Variants in COL5A2 observed in about 807,000 individuals in gnomAD.
COL5A2 encodes collagen alpha-2(V) chain.
A neutral mutation model predicts 208.2 loss-of-function variants in COL5A2; 23 were observed. The observed-to-expected ratio is 0.11, with a 90% CI of 0.08 to 0.16. COL5A2 has a LOEUF of 0.16. Ranked by LOEUF, COL5A2 falls within the 10% of genes least tolerant of loss-of-function variation. The pLI, the probability that COL5A2 is intolerant of heterozygous loss-of-function variation, is 1.00. For synonymous variants in COL5A2, 625 were observed against 628.5 expected (o/e 0.99, Z 0.08); for missense variants, 1,590 against 1,956.4 (o/e 0.81, Z 3.53).
chr2:189,193,730 A>G (rs1688959373), intron 1 of COL5A2, among the ~76,000 whole-genome samples: 1 of 152,190 alleles, frequency 6.6e-6, no homozygotes, highest in South Asian at 2.1e-4. Context: ...GAAGGGCATA[A>G]GCACTCTCAG....
chr2:189,165,294 A>C (rs1357797253), intron 1 of COL5A2, among the ~76,000 whole-genome samples: 3 of 152,198 alleles, frequency 2.0e-5, no homozygotes, highest in Non-Finnish European at 4.4e-5. Context: ...AAAGGGAAAA[A>C]CATGAGATAA....
the COL5A2 span, among the ~76,000 whole-genome samples, chr2:189,271,293 C>T: frequency 6.6e-6 from 1 of 152,122 alleles, no homozygotes; most frequent in Non-Finnish European, 1.5e-5. Context: ...CAGAATGGTA[C>T]TAGTACCAAC....
chr2:189,402,280 C>T, the COL5A2 span, among the ~76,000 whole-genome samples: 3 of 152,118 alleles, frequency 2.0e-5, no homozygotes, highest in Admixed American at 6.5e-5. Context: ...TGCAGTGGTG[C>T]GATCTTGGCT....
chr2:189,281,949 C>T, the COL5A2 span, among the ~76,000 whole-genome samples: 5 of 152,114 alleles, frequency 3.3e-5, no homozygotes, highest in Admixed American at 1.3e-4. Context: ...TTCGGGAGGC[C>T]GAGAAGGGTG....
At chr2:189,163,951 C>A (rs1437585664) in intron 1 of COL5A2, among the ~76,000 whole-genome samples, 1 of 152,158 alleles carries the variant, frequency 6.6e-6, no homozygotes, top group African/African-American at 2.4e-5. Context: ...GCTTTTCTTT[C>A]AAATTATTTC....
Position 189,043,185 on chromosome 2 carries a change from C to G in COL5A2, c.3437G>C (p.Gly1146Ala), listed in dbSNP as rs1378987671. 1 of 1,613,860 alleles carries G rather than the reference C, an allele frequency of 6.2e-7. No individual in the cohort carries two copies. Among genetic ancestry groups the G allele is most frequent in the African/African-American group, 1.3e-5 (1 of 75,040 alleles). The change falls in exon 48 of 54, where the codon GGC (glycine) becomes GCC (alanine). Residue 1146 changes from glycine to alanine, a missense_variant. Transcript: ENST00000374866. ...RGDRGQKGHR[G>A]FTGLQGLPGP... is the part of the protein sequence containing the mutation. Reference sequence around the variant, plus strand: ...AGGAAGACCCTGAAGACCAGTAAAGCCTCTGTGGCCCTTCTGACCTCTGTC... The same window carrying G: ...AGGAAGACCCTGAAGACCAGTAAAGGCTCTGTGGCCCTTCTGACCTCTGTC...
chr2:189,165,188 G>A (rs1224801207), intron 1 of COL5A2, among the ~76,000 whole-genome samples: 2 of 152,100 alleles, frequency 1.3e-5, no homozygotes, highest in African/African-American at 4.8e-5. Context: ...TTTGCCAAAT[G>A]CATTCTAATA....
chr2:189,085,184 G>T lies in COL5A2; in HGVS notation c.774C>A (p.Gly258=). 3 of 1,611,902 alleles carry T rather than the reference G, an allele frequency of 1.9e-6. No individual in the cohort carries two copies. Among genetic ancestry groups the T allele is most frequent in the Non-Finnish European group, 2.5e-6 (3 of 1,178,804 alleles). The change falls in exon 11 of 54, where the codon GGC becomes GGA. Residue 258 remains glycine, a synonymous_variant. Transcript: ENST00000374866. ...CATCTTCCCCAGGTTTACCAGGAGG[G>T]CCCTCTGGTCCACGTGAACCAATCG... ...MGPIGSRGPE[G]PPGKPGEDGE... is the part of the protein sequence containing the mutation.
At chr2:189,263,621 T>G in the COL5A2 span, among the ~76,000 whole-genome samples, 3 of 152,120 alleles carry the variant, frequency 2.0e-5, no homozygotes, top group African/African-American at 4.8e-5. Context: ...CAGAGCAATT[T>G]CTAGTGCTGC....
chr2:189,048,231 C>G lies in COL5A2; in HGVS notation c.3179G>C (p.Arg1060Pro). The change falls in exon 45 of 54, where the codon CGG becomes CCG. Residue 1060 changes from arginine to proline, a missense_variant. Transcript: ENST00000374866. ...TACACGTTCTCCAACAGCACCATCC[C>G]GTCCTGGGGTACCATCATTGCCAGC... ...GPAGNDGTPGRDGAVGERGDR... is the reference protein window; with the variant it reads ...GPAGNDGTPGPDGAVGERGDR... The G allele has an allele frequency of 1.9e-6, 3 of 1,613,916 alleles. No individual in the cohort carries two copies. Among genetic ancestry groups the G allele is most frequent in the Non-Finnish European group, 2.5e-6 (3 of 1,179,912 alleles).
In COL5A2 at chr2:189,085,208, C is replaced by A. The variant is rs751819198; in HGVS notation, c.750G>T (p.Pro250=). ...GGCCCTCTGGTCCACGTGAACCAATCGGACCCTAATAACAGAACAAAACAA... is the reference window on the plus strand; with the variant it reads ...GGCCCTCTGGTCCACGTGAACCAATAGGACCCTAATAACAGAACAAAACAA... ...GEPGDPGPMG[P]IGSRGPEGPP... is the part of the protein sequence containing the mutation. Residue 250 remains proline (P), a synonymous_variant, in exon 11 of 54, where the codon CCG becomes CCT. Transcript: ENST00000374866. 3 of 1,610,304 alleles carry A rather than the reference C, an allele frequency of 1.9e-6. No individual in the cohort carries two copies. The highest frequency in any genetic ancestry group is 1.1e-5 in the South Asian group (1 of 90,340).
In COL5A2 at chr2:189,058,480, T is replaced by A. The variant is rs1307423893; in HGVS notation, c.2178A>T (p.Gly726=). 1 of 1,613,842 alleles carries A rather than the reference T, an allele frequency of 6.2e-7. No homozygotes were observed. The highest frequency in any genetic ancestry group is 2.2e-5 in the East Asian group (1 of 44,862). Residue 726 remains glycine, a synonymous_variant, in exon 33 of 54, where the codon GGA becomes GGT. Transcript: ENST00000374866. ...CAGCCATTCCCTTCTCACCAGGGAG[T>A]CCAGTTATCCCAGGTTCTCCTCTTT... ...PGERGEPGIT[G]LPGEKGMAGG...
At chr2:189,066,368 G>T (rs781049483) in intron 23 of COL5A2, 22 bp downstream of exon 23, 2 of 1,569,718 alleles carry the variant, frequency 1.3e-6, no homozygotes, top group Admixed American at 1.7e-5. Context: ...CTGTAAGAAT[G>T]TGTTGTATTA....
chr2:189,115,063 T>C (rs149238594), intron 1 of COL5A2, among the ~76,000 whole-genome samples: 1 of 152,294 alleles, frequency 6.6e-6, no homozygotes, highest in East Asian at 1.9e-4. Context: ...CAAGATTCTT[T>C]TACCCTCACC....
chr2:189,207,822 T>C (rs143401338), intron 1 of COL5A2, among the ~76,000 whole-genome samples: 2 of 152,338 alleles, frequency 1.3e-5, no homozygotes, highest in East Asian at 1.9e-4. Flanking sequence ...TAAGCCTCAG[T>C]AACATTCAAA....
At chr2:189,273,790 A>G in the COL5A2 span, among the ~76,000 whole-genome samples, 9 of 152,278 alleles carry the variant, frequency 5.9e-5, no homozygotes, top group East Asian at 1.7e-3. Flanking sequence ...TATATGAAAT[A>G]TGAAAAAGTT....
At chr2:189,215,522 C>CA (rs1689268186) in intron 1 of COL5A2, among the ~76,000 whole-genome samples, 1 of 151,766 alleles carries the variant, frequency 6.6e-6, no homozygotes, top group African/African-American at 2.4e-5. Flanking sequence ...TTAAATAAAA[C>CA]ATTAAAATTA....
chr2:189,253,571 T>C, the COL5A2 span, among the ~76,000 whole-genome samples: 1 of 152,232 alleles, frequency 6.6e-6, no homozygotes, highest in African/African-American at 2.4e-5. Flanking sequence ...TGTACATATA[T>C]TGCATGTTTA....
At chr2:189,110,161 A>G (rs1687230855) in intron 2 of COL5A2, 64 bp downstream of exon 2, 2 of 1,227,916 alleles carry the variant, frequency 1.6e-6, no homozygotes, top group Non-Finnish European at 2.4e-6. Flanking sequence ...CTGAAAGTGA[A>G]AAACACTGCA....
Sources: allele counts gnomAD v4.1 joint callset (sites outside exome capture counted in the v4.1 genomes callset), GRCh38; gene constraint gnomAD v4.1.1; transcripts MANE v1.5; gene names NCBI Gene and HGNC (gene_info 2026-07-23, HGNC 2026-07-21).